WNT4: variants seen among roughly 807,000 people sequenced by gnomAD.
WNT4 encodes the protein Wnt family member 4, also known as protein Wnt-4.
WNT4 carries 16 observed loss-of-function variants against 34.5 expected under a neutral mutation model. The ratio of observed to expected loss-of-function variants is 0.46; its 90% CI spans 0.31 to 0.70. The LOEUF (loss-of-function observed/expected upper bound fraction) is 0.70, where lower values mean the gene tolerates loss of function less well. Among genes scored for constraint, WNT4 ranks in the 30% least tolerant of loss-of-function variants. The pLI is 0.04. For synonymous variants in WNT4, 200 were observed against 211.9 expected, an observed-to-expected ratio of 0.94 and a Z score of 0.49; for missense variants, 379 against 495.9, an observed-to-expected ratio of 0.76 and a Z score of 2.24.
chr1:22,121,053 C>G lies in WNT4; in HGVS notation c.588+158G>C, dbSNP rs573339109. The stretch of plus-strand genomic sequence containing the variant: ...ACGCCTGCCTGCCTGTCTGTACCCC[C>G]CTCTGGCCTGTCCTGAACCCCACTG... On this transcript the variant is annotated intron_variant, in intron 4 of 4. Transcript: ENST00000290167. Among the ~76,000 whole-genome samples the G allele has an allele frequency of 3.2e-4, 48 of 152,268 alleles. 1 individual carries two copies. Among genetic ancestry groups the G allele is most frequent in the African/African-American group, 1.0e-3 (42 of 41,546 alleles).
At chr1:22,127,404 G>C (rs769293908) in intron 2 of WNT4, 1 of 533,400 alleles carries the variant, frequency 1.9e-6, no homozygotes, top group South Asian at 1.4e-5. Flanking sequence ...CCTTCCTTGC[G>C]CCTTTGAGTC....
chr1:22,122,524 G>A lies in WNT4; in HGVS notation c.314-948C>T, dbSNP rs1256294696. ...GTTGTGGACTCTCTTTCTGGAGGTG[G>A]GGGGCAGTGTGTGAGCTGGAGTATG... On this transcript the variant is annotated intron_variant, in intron 2 of 4. Transcript: ENST00000290167. Among the ~76,000 whole-genome samples the A allele has an allele frequency of 3.9e-5, 6 of 152,278 alleles. No individual in the cohort carries two copies. In the South Asian group the frequency reaches 1.2e-3, roughly 32 times the overall value.
At position 22,130,497 on chromosome 1, in the gene WNT4, G is replaced by C. The variant is rs1042394691; in HGVS notation, c.78-646C>G. 8.5e-5 allele frequency among the ~76,000 whole-genome samples: 13 copies of C among 152,368 alleles called. No homozygotes were observed. In the East Asian group the frequency reaches 2.3e-3, roughly 27 times the overall value. On this transcript the variant is annotated intron_variant, in intron 1 of 4. Transcript: ENST00000290167. Reference sequence around the variant, plus strand: ...GTGGACGCTTCAAAAGCCAAGTGCAGCATGCTCTCCCTCCCCCAGGGGCTT... The same window carrying C: ...GTGGACGCTTCAAAAGCCAAGTGCACCATGCTCTCCCTCCCCCAGGGGCTT...
intron 2 of WNT4, chr1:22,127,432 TTC>T: frequency 3.7e-6 from 2 of 533,440 alleles, no homozygotes; most frequent in South Asian, 2.8e-5. Flanking sequence ...CTGACCTGCT[TTC>T]TGTCAGTAGA....
chr1:22,122,489 G>T (rs1336041740), intron 2 of WNT4, among the ~76,000 whole-genome samples: 1 of 152,166 alleles, frequency 6.6e-6, no homozygotes, highest in East Asian at 1.9e-4. Flanking sequence ...TGTGCCTCGG[G>T]GGTGTAGCTG....
intron 1 of WNT4, among the ~76,000 whole-genome samples, chr1:22,132,280 T>C (rs575183415): frequency 6.6e-6 from 1 of 152,310 alleles, no homozygotes; most frequent in Admixed American, 6.5e-5. Flanking sequence ...ACTCAGTCTC[T>C]GCTCCCACAG....
At position 22,140,390 on chromosome 1, in the gene WNT4, G is replaced by T. The variant is rs1450786981; in HGVS notation, c.77+2456C>A. On this transcript the variant is annotated intron_variant, in intron 1 of 4. Coordinates refer to ENST00000290167, the MANE Select transcript of WNT4 (RefSeq NM_030761.5). This position sits in a 1 kb window ranked among gnomAD's most constrained non-coding sequence, Gnocchi z 5.9. ...GAAACGTTGTTGGGATTTAGATCAT[G>T]CTGTGGGAGTCATCATAATAATTAT... The T allele has an allele frequency of 4.8e-6, 2 of 412,824 alleles. No individual in the cohort carries two copies. The highest frequency in any genetic ancestry group is 4.3e-5 in the African/African-American group (2 of 46,278). 25.6% of individuals were successfully genotyped at this position (412,824 alleles called of 1,614,324 possible).
At chr1:22,138,240 A>C (rs965509470) in intron 1 of WNT4, among the ~76,000 whole-genome samples, 2 of 152,196 alleles carry the variant, frequency 1.3e-5, no homozygotes, top group Non-Finnish European at 2.9e-5. Context: ...ACCTTGGGGA[A>C]GTCATTGCAC....
At chr1:22,135,085 G>A (rs1353256337) in intron 1 of WNT4, among the ~76,000 whole-genome samples, 1 of 152,184 alleles carries the variant, frequency 6.6e-6, no homozygotes, top group African/African-American at 2.4e-5. Context: ...AGAGATGGGT[G>A]GAGGGGATGG....
At chr1:22,133,152 C>A (rs1645996638) in intron 1 of WNT4, among the ~76,000 whole-genome samples, 1 of 152,092 alleles carries the variant, frequency 6.6e-6, no homozygotes, top group African/African-American at 2.4e-5. Flanking sequence ...TGGATATGCC[C>A]CATTTACCTG....
intron 2 of WNT4, among the ~76,000 whole-genome samples, chr1:22,124,368 C>T (rs945691515): frequency 7.9e-5 from 12 of 152,350 alleles, no homozygotes; most frequent in Admixed American, 6.5e-4. Context: ...CCTGCTGTTT[C>T]TTCTTCCCAG....
intron 1 of WNT4, among the ~76,000 whole-genome samples, chr1:22,136,301 T>C (rs2124130415): frequency 6.6e-6 from 1 of 152,288 alleles, no homozygotes; most frequent in East Asian, 1.9e-4. Context: ...CAGAGAGCTC[T>C]TCCTTTGCTA....
rs541612082 is a variant in WNT4 at position 22,140,808 on chromosome 1, C to A, written c.77+2038G>T. ...AGGAGTGAGCTGGGTCATCCAGAGACCTGCTTCGTGGCAACCTGAACCATC... is the reference window on the plus strand; with the variant it reads ...AGGAGTGAGCTGGGTCATCCAGAGAACTGCTTCGTGGCAACCTGAACCATC... On this transcript the variant is annotated intron_variant, in intron 1 of 4. Transcript: ENST00000290167. The surrounding 1 kb of genome is among the most constrained non-coding windows in gnomAD (Gnocchi z 5.9). 2.0e-5 allele frequency among the ~76,000 whole-genome samples: 3 copies of A among 152,314 alleles called. No homozygotes were observed. The highest frequency in any genetic ancestry group is 2.9e-5 in the Non-Finnish European group (2 of 68,034).
intron 1 of WNT4, among the ~76,000 whole-genome samples, chr1:22,133,799 A>G (rs1646001017): frequency 6.6e-6 from 1 of 152,204 alleles, no homozygotes; most frequent in African/African-American, 2.4e-5. Context: ...CAGGTCCTGC[A>G]GGCTCCTCCC....
chr1:22,138,952 A>C (rs942019063), intron 1 of WNT4, among the ~76,000 whole-genome samples: 1 of 152,196 alleles, frequency 6.6e-6, no homozygotes, highest in Admixed American at 6.5e-5. Context: ...AATGGAAAGC[A>C]TGATGCGTCC....
Position 22,142,885 on chromosome 1 carries a change from A to G in WNT4, c.38T>C (p.Leu13Pro). 1 of 1,210,374 alleles carries G rather than the reference A, an allele frequency of 8.3e-7. No individual in the cohort carries two copies. The highest frequency in any genetic ancestry group is 8.8e-5 in the East Asian group (1 of 11,324). 75.0% of individuals were successfully genotyped at this position (1,210,374 alleles called of 1,614,324 possible). A position where few individuals can be genotyped will look rare whatever the true frequency, so the allele number is the denominator to read the frequency against. Residue 13 changes from leucine to proline, a missense_variant, in exon 1 of 5, where the codon CTC (leucine) becomes CCC (proline). Leu to Pro is a moderately conservative substitution (Grantham distance 98, BLOSUM62 -3). Transcript: ENST00000290167. This position sits in a 1 kb window ranked among gnomAD's most constrained non-coding sequence, Gnocchi z 6.0. ...GGCGGCTGAGAAGACGGCGAAGACG[A>G]GGAGGCGCAGCGAACGCAGGCACGA... ...PRSCLRSLRL[L>P]VFAVFSAAAS...
rs368808392 is a variant in WNT4 at position 22,129,681 on chromosome 1, C to T, written c.248G>A (p.Arg83Gln). 2.1e-5 allele frequency: 34 copies of T among 1,613,804 alleles called. No individual in the cohort carries two copies. The highest frequency in any genetic ancestry group is 3.3e-5 in the Admixed American group (2 of 60,010). The stretch of plus-strand genomic sequence containing the variant: ...TGTGGAGCAGTTCCAGCGCCGGTTC[C>T]GGAACTGGTACTGGCACTCCTCAAT... ...LAIEECQYQFRNRRWNCSTLD... is the reference protein window; with the variant it reads ...LAIEECQYQFQNRRWNCSTLD... The change falls in exon 2 of 5, where the codon CGG becomes CAG. Residue 83 changes from arginine (R) to glutamine (Q), a missense_variant. Physicochemically the swap from Arg to Gln is conservative, Grantham distance 43. Around this residue, in one of 2 missense-constraint regions of WNT4, gnomAD observed 313 missense variants for 445.8 expected, o/e 0.70. Transcript: ENST00000290167.
intron 4 of WNT4, 33 bp downstream of exon 4, chr1:22,121,178 C>T (rs1167856251): frequency 6.2e-7 from 1 of 1,613,018 alleles, no homozygotes; most frequent in African/African-American, 1.3e-5. Flanking sequence ...GCTATCCCTA[C>T]CCCGCTCTTG....
At chr1:22,122,038 A>C (rs1056612628) in intron 2 of WNT4, among the ~76,000 whole-genome samples, 1 of 152,168 alleles carries the variant, frequency 6.6e-6, no homozygotes, top group Non-Finnish European at 1.5e-5. Context: ...TGCAGGTAGA[A>C]AGAAGGCCTG....
Sources: allele counts gnomAD v4.1 joint callset (sites outside exome capture counted in the v4.1 genomes callset), GRCh38; gene constraint gnomAD v4.1.1; regional missense constraint gnomAD v4.1.1; non-coding constraint Gnocchi (gnomAD v3.1); transcripts MANE v1.5; gene names NCBI Gene and HGNC (gene_info 2026-07-23, HGNC 2026-07-21).